ASB15: variants seen among roughly 807,000 people sequenced by gnomAD.
ASB15 encodes ankyrin repeat and SOCS box containing 15, also known as ankyrin repeat and SOCS box protein 15.
ASB15 carries 54 observed loss-of-function variants against 58.0 expected under a neutral mutation model. The observed-to-expected ratio is 0.93, with a 90% CI of 0.75 to 1.17. The LOEUF (loss-of-function observed/expected upper bound fraction) is 1.17. Ranked by LOEUF, ASB15 falls within the 50% of genes most tolerant of loss-of-function variation. The probability of loss-of-function intolerance (pLI) is 0.00; values close to 1 mark genes in which losing one functional copy is unlikely to be tolerated. For synonymous variants in ASB15, 249 were observed against 262.4 expected (o/e 0.95, Z 0.50); for missense variants, 680 against 707.4 (o/e 0.96, Z 0.44).
Position 123,614,636 on chromosome 7 carries a change from C to T in ASB15, c.107+27C>T, listed in dbSNP as rs775374608. On this transcript the variant is annotated intron_variant, in intron 4 of 11. Coordinates refer to ENST00000451215, the MANE Select transcript of ASB15 (RefSeq NM_001290258.2). Reference sequence around the variant, plus strand: ...TAGTATTCAAACCAACTATCCTCAGCAAAATTTCTTTATGGCATTCATTTT... The same window carrying T: ...TAGTATTCAAACCAACTATCCTCAGTAAAATTTCTTTATGGCATTCATTTT... 3.7e-5 allele frequency: 52 copies of T among 1,415,092 alleles called. 2 individuals are homozygous for T. The South Asian group carries it at 6.1e-4, about 17-fold the overall frequency. 87.7% of individuals were successfully genotyped at this position (1,415,092 alleles called of 1,614,324 possible).
intron 7 of ASB15, chr7:123,620,096 T>A (rs972383696): frequency 6.6e-6 from 1 of 152,136 alleles, no homozygotes; most frequent in Admixed American, 6.6e-5. Flanking sequence ...GTCGCCATTT[T>A]CCAGGCAGCA....
Position 123,627,095 on chromosome 7 carries a change from G to A in ASB15, c.698-15G>A, listed in dbSNP as rs542440726. ...TACCATCCAGTTATCATTATGCCAC[G>A]TTTTATACTGCCAGGTGGTGATGTG... is the stretch of plus-strand genomic sequence containing the variant. On this transcript the variant is annotated splice_polypyrimidine_tract_variant and intron_variant, in intron 8 of 11. Transcript: ENST00000451215. The A allele has an allele frequency of 1.8e-5, 29 of 1,608,292 alleles. No homozygotes were observed. In the South Asian group the frequency reaches 2.4e-4, roughly 14 times the overall value.
At chr7:123,614,887 G>A (rs1195688441) in intron 4 of ASB15, among the ~76,000 whole-genome samples, 1 of 152,128 alleles carries the variant, frequency 6.6e-6, no homozygotes, top group Non-Finnish European at 1.5e-5. Context: ...AATTAATATA[G>A]ATTAACAAAG....
intron 7 of ASB15, chr7:123,623,225 T>C (rs539796672): frequency 1.3e-5 from 2 of 152,248 alleles, no homozygotes; most frequent in African/African-American, 2.4e-5. Flanking sequence ...GAATAGGAAA[T>C]GAGTGAGTGA....
intron 1 of ASB15, among the ~76,000 whole-genome samples, chr7:123,578,447 CCTT>C (rs534431868): frequency 1.8e-4 from 28 of 152,068 alleles, no homozygotes; most frequent in Non-Finnish European, 2.5e-4. Context: ...CCTCTTTCCT[CCTT>C]CTACTTATTT....
Position 123,614,600 on chromosome 7 carries a change from G to T in ASB15, c.98G>T (p.Cys33Phe), listed in dbSNP as rs1477310083. Residue 33 changes from cysteine (C) to phenylalanine (F), a missense_variant, in exon 4 of 12, where the codon TGT becomes TTT. Coordinates refer to ENST00000451215, the MANE Select transcript of ASB15 (RefSeq NM_001290258.2). The part of the protein sequence containing the change: ...ESIEASKTAL[C>F]PERFVPLSAQ... ...ATTGAAGCCAGCAAGACTGCACTTTGTCCTGAAAGGTAGTATTCAAACCAA... is the reference window on the plus strand; with the variant it reads ...ATTGAAGCCAGCAAGACTGCACTTTTTCCTGAAAGGTAGTATTCAAACCAA... 3 of 1,593,578 alleles carry T rather than the reference G, an allele frequency of 1.9e-6. No individual in the cohort carries two copies.
intron 4 of ASB15, among the ~76,000 whole-genome samples, chr7:123,615,137 A>G (rs1800718771): frequency 6.6e-6 from 1 of 152,182 alleles, no homozygotes; most frequent in South Asian, 2.1e-4. Flanking sequence ...AAAGTAATAT[A>G]CAAACTACCA....
chr7:123,574,977 C>G (rs1311620867), intron 1 of ASB15, among the ~76,000 whole-genome samples: 2 of 151,642 alleles, frequency 1.3e-5, no homozygotes, highest in African/African-American at 4.8e-5. Context: ...AGATGTAAGA[C>G]TCCACCATGA....
intron 11 of ASB15, among the ~76,000 whole-genome samples, chr7:123,636,371 A>G (rs1442314782): frequency 6.6e-6 from 1 of 152,234 alleles, no homozygotes. Flanking sequence ...TGGATTATTC[A>G]TGATCTATGG....
chr7:123,568,638 G>T (rs938044983), intron 1 of ASB15, among the ~76,000 whole-genome samples: 2 of 152,102 alleles, frequency 1.3e-5, no homozygotes, highest in African/African-American at 4.8e-5. Context: ...TATGGGAAAT[G>T]TTGCTCCTCA....
intron 3 of ASB15, 123 bp from the exon 4 acceptor site, chr7:123,614,378 T>C: frequency 1.6e-6 from 1 of 641,376 alleles, no homozygotes; most frequent in Non-Finnish European, 2.7e-6. Context: ...CATTTGTATT[T>C]GTTAACTAGG....
At chr7:123,621,286 G>C (rs865800445) in intron 7 of ASB15, 2 of 152,160 alleles carry the variant, frequency 1.3e-5, no homozygotes, top group Non-Finnish European at 2.9e-5. Context: ...AAACTAAGTG[G>C]TAAGGTCGAG....
At chr7:123,600,762 C>T (rs1033064879), upstream of ASB15, among the ~76,000 whole-genome samples, 2 of 152,166 alleles carry the variant, frequency 1.3e-5, no homozygotes, top group African/African-American at 4.8e-5. Context: ...TCTCATTTCA[C>T]ATTTACGGTT....
At chr7:123,621,186 G>T (rs771536912) in intron 7 of ASB15, among the ~76,000 whole-genome samples, 40 of 152,122 alleles carry the variant, frequency 2.6e-4, no homozygotes, top group Non-Finnish European at 5.1e-4. Context: ...CATTCTCTAT[G>T]CTAGCAATAT....
At chr7:123,582,272 T>C (rs1799255785) in intron 1 of ASB15, among the ~76,000 whole-genome samples, 1 of 151,590 alleles carries the variant, frequency 6.6e-6, no homozygotes, top group Non-Finnish European at 1.5e-5. Flanking sequence ...CAATGGGAGA[T>C]GGGGAGGGGG....
intron 1 of ASB15, among the ~76,000 whole-genome samples, chr7:123,573,924 A>C (rs1798985515): frequency 6.6e-6 from 1 of 152,146 alleles, no homozygotes; most frequent in South Asian, 2.1e-4. Context: ...GGGTCAAGGC[A>C]GGGGACAAAA....
At chr7:123,571,499 T>A (rs1207194769) in intron 1 of ASB15, among the ~76,000 whole-genome samples, 1 of 152,218 alleles carries the variant, frequency 6.6e-6, no homozygotes, top group South Asian at 2.1e-4. Flanking sequence ...CAAACAATTT[T>A]AAAAATAGAA....
At chr7:123,572,780 A>G (rs1798949173) in intron 1 of ASB15, among the ~76,000 whole-genome samples, 1 of 150,056 alleles carries the variant, frequency 6.7e-6, no homozygotes, top group African/African-American at 2.5e-5. Context: ...TAATTAGATG[A>G]GTTTTATACA....
At chr7:123,614,784 T>G (rs1800691885) in intron 4 of ASB15, among the ~76,000 whole-genome samples, 175 bp downstream of exon 4, 1 of 152,224 alleles carries the variant, frequency 6.6e-6, no homozygotes, top group Non-Finnish European at 1.5e-5. Context: ...CAATCTGATC[T>G]TCCACAAATC....
Sources: gnomAD v4.1 joint callset for allele counts (sites outside exome capture counted in the v4.1 genomes callset) on GRCh38, gnomAD v4.1.1 for gene constraint, MANE v1.5 for transcripts, NCBI Gene and HGNC (gene_info 2026-07-23, HGNC 2026-07-21) for gene names.